The following ATG5 variants were observed in gnomAD, a reference collection of about 807,000 sequenced individuals.
ATG5 encodes the protein autophagy related 5.
A neutral mutation model predicts 36.5 loss-of-function variants in ATG5; 14 were observed. That is an observed-to-expected ratio of 0.38 (90% CI 0.25 to 0.60). The LOEUF (loss-of-function observed/expected upper bound fraction) is 0.60, where lower values mean the gene tolerates loss of function less well. Among genes scored for constraint, ATG5 ranks in the 20% least tolerant of loss-of-function variants. The probability of loss-of-function intolerance (pLI) is 0.60; values close to 1 mark genes in which losing one functional copy is unlikely to be tolerated. For missense variants in ATG5, 195 were observed against 326.7 expected, an observed-to-expected ratio of 0.60 and a Z score of 3.11; for synonymous variants, 95 against 101.5, an observed-to-expected ratio of 0.94 and a Z score of 0.38.
chr6:106,269,917 C>T (rs917229252), intron 5 of ATG5, among the ~76,000 whole-genome samples: 10 of 152,238 alleles, frequency 6.6e-5, no homozygotes, highest in African/African-American at 2.4e-4. Flanking sequence ...AGAGGAGACG[C>T]CGAGAGCGAG....
intron 5 of ATG5, among the ~76,000 whole-genome samples, chr6:106,260,309 T>A (rs1778970374): frequency 1.3e-5 from 2 of 152,218 alleles, no homozygotes; most frequent in South Asian, 4.1e-4. Context: ...GAGTGTGGCT[T>A]GGAATTTGAA....
intron 6 of ATG5, among the ~76,000 whole-genome samples, chr6:106,247,785 A>G (rs1778402718): frequency 6.6e-6 from 1 of 152,222 alleles, no homozygotes; most frequent in Non-Finnish European, 1.5e-5. Context: ...ATGACAGCTG[A>G]GACAAGAAGG....
intron 7 of ATG5, among the ~76,000 whole-genome samples, chr6:106,193,449 T>G (rs894936498): frequency 6.6e-5 from 10 of 152,172 alleles, no homozygotes; most frequent in Non-Finnish European, 1.3e-4. Context: ...GCTTATAATC[T>G]CTGTATTTCT....
intron 4 of ATG5, among the ~76,000 whole-genome samples, chr6:106,290,345 G>A (rs917159815): frequency 6.6e-6 from 1 of 150,876 alleles, no homozygotes; most frequent in Non-Finnish European, 1.5e-5. Context: ...TTTTTAGAGA[G>A]AGTTTTGCCC....
intron 1 of ATG5, among the ~76,000 whole-genome samples, chr6:106,317,891 A>T (rs559646247): frequency 6.6e-6 from 1 of 152,348 alleles, no homozygotes; most frequent in East Asian, 1.9e-4. Flanking sequence ...TATGACAAAT[A>T]AGTAAATCTA....
rs1228820322 is a variant in ATG5 at position 106,185,869 on chromosome 6, T to C, written c.*671A>G. 2.6e-5 allele frequency: 4 copies of C among 152,194 alleles called. No individual in the cohort carries two copies. Among genetic ancestry groups the C allele is most frequent in the African/African-American group, 9.8e-5 (4 of 40,932 alleles). The allele number at this position is 152,194 out of a possible 1,614,324, so 9.4% of individuals were successfully genotyped here. The stretch of plus-strand genomic sequence containing the variant: ...TGGTAACACAGAGTAAAAAGTGATC[T>C]ACTGTATGTGAGTCAGAAAGTACTT... On this transcript the variant is annotated 3_prime_UTR_variant, in exon 8 of 8. Coordinates refer to ENST00000369076, the MANE Select transcript of ATG5 (RefSeq NM_004849.4).
chr6:106,307,668 C>T (rs1233210201), intron 3 of ATG5, among the ~76,000 whole-genome samples: 1 of 151,708 alleles, frequency 6.6e-6, no homozygotes, highest in Middle Eastern at 3.2e-3. Flanking sequence ...TCCCAAATAG[C>T]CCGGATTACA....
Position 106,185,478 on chromosome 6 carries a change from C to A in ATG5, c.*1062G>T, listed in dbSNP as rs41292418. The A allele has an allele frequency of 0.063, 9,614 of 152,330 alleles. 477 individuals carry two copies. The highest frequency in any genetic ancestry group is 0.095 in the Non-Finnish European group (6,424 of 67,976). The allele number at this position is 152,330 out of a possible 1,614,324, so 9.4% of individuals were successfully genotyped here. ...TATTGAATAAGAACTCCAGTAACCT[C>A]TGGATATTTTTGGTAAAAATTAAAG... is the stretch of plus-strand genomic sequence containing the variant. On this transcript the variant is annotated 3_prime_UTR_variant, in exon 8 of 8. Transcript: ENST00000369076.
At chr6:106,272,633 C>T (rs1482062155) in intron 5 of ATG5, among the ~76,000 whole-genome samples, 1 of 152,194 alleles carries the variant, frequency 6.6e-6, no homozygotes, top group Non-Finnish European at 1.5e-5. Flanking sequence ...TGCCTGGCTC[C>T]TCTGCTACCC....
At chr6:106,256,561 T>G (rs1280403482) in intron 5 of ATG5, among the ~76,000 whole-genome samples, 1 of 152,320 alleles carries the variant, frequency 6.6e-6, no homozygotes, top group East Asian at 1.9e-4. Flanking sequence ...TCAGGCAATT[T>G]CATCATGCGA....
chr6:106,198,114 A>AAAATGAACT (rs1013996033), intron 7 of ATG5, among the ~76,000 whole-genome samples: 8 of 152,154 alleles, frequency 5.3e-5, no homozygotes, highest in African/African-American at 1.9e-4. Context: ...TATAACAGAG[A>AAAATGAACT]AAATGAACTA....
intron 5 of ATG5, among the ~76,000 whole-genome samples, chr6:106,274,126 G>C (rs1006457137): frequency 6.6e-6 from 1 of 152,050 alleles, no homozygotes; most frequent in Non-Finnish European, 1.5e-5. Flanking sequence ...TGTATACTCC[G>C]AAAAGCAAGA....
chr6:106,320,706 C>T (rs1771033314), intron 1 of ATG5, among the ~76,000 whole-genome samples: 1 of 151,726 alleles, frequency 6.6e-6, no homozygotes, highest in African/African-American at 2.4e-5. Context: ...ATTATTATCC[C>T]TCTAATGTCA....
intron 4 of ATG5, among the ~76,000 whole-genome samples, chr6:106,291,482 A>G (rs552316486): frequency 6.6e-6 from 1 of 152,372 alleles, no homozygotes; most frequent in Non-Finnish European, 1.5e-5. Context: ...TCATGGAAAC[A>G]GATTTGACCT....
rs529500792 is a variant in ATG5 at position 106,251,786 on chromosome 6, G to T, written c.479-3542C>A. Among the ~76,000 whole-genome samples, 3 of 151,434 alleles carry T rather than the reference G, an allele frequency of 2.0e-5. No homozygotes were observed. The East Asian group carries it at 5.8e-4, about 29-fold the overall frequency. On this transcript the variant is annotated intron_variant, in intron 5 of 7. Transcript: ENST00000369076. ...AGAAAAGAAGAAAAGAAAAGGAGGA[G>T]AGAAAATCAGTGTTGAGATTGAAGG...
At chr6:106,251,658 AGGAAGGGAGGGG>A (rs1778585801) in intron 5 of ATG5, among the ~76,000 whole-genome samples, 1 of 56,786 alleles carries the variant, frequency 1.8e-5, no homozygotes, top group African/African-American at 7.0e-5. Context: ...GGAGGGAGGG[AGGAAGGGAGGGG>A]GAGGGGGAGA....
chr6:106,211,501 G>C (rs1216655708), intron 6 of ATG5, among the ~76,000 whole-genome samples: 1 of 152,184 alleles, frequency 6.6e-6, no homozygotes, highest in Non-Finnish European at 1.5e-5. Context: ...ATGAGGTCGG[G>C]AGTTCGAGGC....
intron 6 of ATG5, among the ~76,000 whole-genome samples, chr6:106,212,803 A>G (rs1404637401): frequency 6.6e-6 from 1 of 152,228 alleles, no homozygotes; most frequent in Non-Finnish European, 1.5e-5. Context: ...CATTGCTGAA[A>G]TGGTGACAAA....
chr6:106,274,205 G>T (rs1446630397), intron 5 of ATG5, among the ~76,000 whole-genome samples: 1 of 152,084 alleles, frequency 6.6e-6, no homozygotes, highest in Admixed American at 6.5e-5. Context: ...AAAACAACTT[G>T]ATATTAAATA....
Sources: allele counts gnomAD v4.1 joint callset (sites outside exome capture counted in the v4.1 genomes callset), GRCh38; gene constraint gnomAD v4.1.1; transcripts MANE v1.5; gene names NCBI Gene and HGNC (gene_info 2026-07-23, HGNC 2026-07-21).